The following DGKG variants were observed in gnomAD, a reference collection of about 807,000 sequenced individuals.
The protein encoded by DGKG is DAG kinase gamma.
DGKG carries 78 observed loss-of-function variants against 105.3 expected under a neutral mutation model. That is an observed-to-expected ratio of 0.74 (90% confidence interval 0.62 to 0.89). The LOEUF (loss-of-function observed/expected upper bound fraction) is 0.89, where lower values mean the gene tolerates loss of function less well. Among genes scored for constraint, DGKG ranks in the 40% least tolerant of loss-of-function variants. The probability of loss-of-function intolerance (pLI) is 0.00; values close to 1 mark genes in which losing one functional copy is unlikely to be tolerated. For synonymous variants in DGKG, 346 were observed against 367.1 expected, an observed-to-expected ratio of 0.94 and a Z score of 0.66; for missense variants, 958 against 1,020.1, an observed-to-expected ratio of 0.94 and a Z score of 0.83.
At chr3:186,259,101 CGACGGGACTCT>C in intron 16 of DGKG, among the ~76,000 whole-genome samples, 1 of 103,018 alleles carries the variant, frequency 9.7e-6, no homozygotes, top group East Asian at 2.4e-4. Context: ...CTCTGCTCTC[CGACGGGACTCT>C]CCGACGGGAA....
Position 186,297,440 on chromosome 3 carries a change from C to T in DGKG, c.354G>A (p.Glu118=). The part of the protein sequence containing the change: ...QNADNATKAD[E]ACAPDTESNM... ...ACTTACCAGTATCAGGGGCACAGGC[C>T]TCGTCTGCTTTGGTGGCATTATCTG... The change falls in exon 5 of 25, where the codon GAG becomes GAA. Residue 118 remains glutamate, a synonymous_variant. Coordinates refer to ENST00000265022, the MANE Select transcript of DGKG (RefSeq NM_001346.3). 1 of 1,612,858 alleles carries T rather than the reference C, an allele frequency of 6.2e-7. No homozygotes were observed.
intron 24 of DGKG, chr3:186,158,934 T>A: frequency 1.7e-6 from 1 of 603,280 alleles, no homozygotes; most frequent in Non-Finnish European, 2.1e-6. Context: ...TTAGCATAAT[T>A]AACATTACTA....
chr3:186,238,924 A>T (rs565169098), intron 20 of DGKG, among the ~76,000 whole-genome samples: 29 of 152,194 alleles, frequency 1.9e-4, no homozygotes, highest in Non-Finnish European at 3.7e-4. Flanking sequence ...TCATAATTTG[A>T]TGCCTCTTAG....
chr3:186,202,906 C>A (rs1356408421), intron 21 of DGKG, among the ~76,000 whole-genome samples: 1 of 152,000 alleles, frequency 6.6e-6, no homozygotes, highest in African/African-American at 2.4e-5. Flanking sequence ...ACGGAAGACA[C>A]AAAGTAGATA....
Position 186,251,865 on chromosome 3 carries a change from A to C in DGKG, c.1655T>G (p.Leu552Trp). 1 of 1,611,666 alleles carries C rather than the reference A, an allele frequency of 6.2e-7. No individual in the cohort carries two copies. Among genetic ancestry groups the C allele is most frequent in the Non-Finnish European group, 8.5e-7 (1 of 1,178,570 alleles). The change falls in exon 19 of 25, where the codon TTG (leucine) becomes TGG (tryptophan). Residue 552 changes from leucine (L) to tryptophan (W), a missense_variant. Transcript: ENST00000265022. ...KILKDIEQSP[L>W]VMLDRWHLEV... ...CAGATGCCAGCGGTCCAGCATCACC[A>C]AGGGGCTCTGCTCAATGTCTTTCAG...
intron 20 of DGKG, among the ~76,000 whole-genome samples, chr3:186,239,375 C>T (rs1560109438): frequency 6.6e-6 from 1 of 152,198 alleles, no homozygotes; most frequent in African/African-American, 2.4e-5. Context: ...TTTGATAATG[C>T]CGTTTACATT....
chr3:186,328,314 A>C (rs1725442744), intron 1 of DGKG, among the ~76,000 whole-genome samples: 1 of 152,202 alleles, frequency 6.6e-6, no homozygotes. Context: ...ACACCCAAAC[A>C]GCTATTAATA....
At chr3:186,269,654 A>G (rs1314732622) in intron 11 of DGKG, among the ~76,000 whole-genome samples, 1 of 152,212 alleles carries the variant, frequency 6.6e-6, no homozygotes, top group Non-Finnish European at 1.5e-5. Flanking sequence ...TATGTTTTAA[A>G]GCACTCTGGG....
intron 20 of DGKG, among the ~76,000 whole-genome samples, chr3:186,241,768 A>C (rs1011774889): frequency 6.6e-6 from 1 of 152,236 alleles, no homozygotes; most frequent in Non-Finnish European, 1.5e-5. Flanking sequence ...ATGAGAAGAT[A>C]CAGACAAAGA....
intron 20 of DGKG, among the ~76,000 whole-genome samples, chr3:186,223,438 G>T (rs1719698116): frequency 6.6e-6 from 1 of 152,054 alleles, no homozygotes; most frequent in Non-Finnish European, 1.5e-5. Flanking sequence ...ACCATCGGCT[G>T]GTTAGAGGCA....
In DGKG at chr3:186,231,901, C is replaced by CAG. The variant is rs1037001947; in HGVS notation, c.1826+10601_1826+10602dup. Among the ~76,000 whole-genome samples the CAG allele has an allele frequency of 1.3e-5, 2 of 152,026 alleles. No homozygotes were observed. Among genetic ancestry groups the CAG allele is most frequent in the Admixed American group, 6.6e-5 (1 of 15,256 alleles). On this transcript the variant is annotated intron_variant, in intron 20 of 24. Transcript: ENST00000265022. The surrounding 1 kb of genome is among the most constrained non-coding windows in gnomAD (Gnocchi z 4.5). The stretch of plus-strand genomic sequence containing the variant: ...GAGCCACTGACTCCAGCCTGGGTGA[C>CAG]AGAGAGAGAGACTCCGTCTCAAAAA...
At chr3:186,328,670 G>A (rs1479547950) in intron 1 of DGKG, among the ~76,000 whole-genome samples, 1 of 151,654 alleles carries the variant, frequency 6.6e-6, no homozygotes, top group Admixed American at 6.6e-5. Context: ...CCACCTCCTG[G>A]GTTCAAGTGA....
At chr3:186,285,224 T>C (rs1197848821) in intron 6 of DGKG, among the ~76,000 whole-genome samples, 1 of 152,200 alleles carries the variant, frequency 6.6e-6, no homozygotes, top group African/African-American at 2.4e-5. Context: ...TTATGAAGAT[T>C]AATGTGTAAC....
chr3:186,240,807 G>GAA (rs11311286), intron 20 of DGKG, among the ~76,000 whole-genome samples: 3 of 138,858 alleles, frequency 2.2e-5, no homozygotes, highest in African/African-American at 8.2e-5. Flanking sequence ...GAAACTCCAT[G>GAA]AAAAAAAAAA....
rs946614421 is a variant in DGKG, at chr3:186,160,444, C to T, written c.2277+1159G>A. 4 of 985,202 alleles carry T rather than the reference C, an allele frequency of 4.1e-6. No homozygotes were observed. The African/African-American group carries it at 7.0e-5, about 17-fold the overall frequency. 61.0% of individuals were successfully genotyped at this position (985,202 alleles called of 1,614,324 possible). ...TTCCCTCTATGCGTCCTAACTCCAG[C>T]AAGGTGGAAAGCTATTATTTGATAT... On this transcript the variant is annotated intron_variant, in intron 24 of 24. Transcript: ENST00000265022.
At chr3:186,275,848 T>C (rs982526267) in intron 9 of DGKG, among the ~76,000 whole-genome samples, 184 bp from the exon 10 acceptor site, 5 of 152,190 alleles carry the variant, frequency 3.3e-5, no homozygotes, top group Non-Finnish European at 5.9e-5. Flanking sequence ...TTAGCAAATA[T>C]TAAAAGCAAG....
intron 1 of DGKG, among the ~76,000 whole-genome samples, chr3:186,348,451 CTTTTTTTTTT>C (rs1159516433): frequency 2.0e-5 from 1 of 50,702 alleles, no homozygotes; most frequent in African/African-American, 7.2e-5. Context: ...GGCTCATAAT[CTTTTTTTTTT>C]TTTTTTTTTT....
At chr3:186,187,410 G>A (rs1240083113) in intron 22 of DGKG, among the ~76,000 whole-genome samples, 3 of 152,222 alleles carry the variant, frequency 2.0e-5, no homozygotes, top group Non-Finnish European at 2.9e-5. Flanking sequence ...GATGCCAAGC[G>A]TTTTGGCTCT....
intron 1 of DGKG, among the ~76,000 whole-genome samples, chr3:186,324,573 C>G (rs1045286614): frequency 2.7e-5 from 4 of 148,318 alleles, no homozygotes; most frequent in African/African-American, 9.9e-5. Flanking sequence ...GGCACAAACA[C>G]ACTCTTCTCA....
Sources: allele counts gnomAD v4.1 joint callset (sites outside exome capture counted in the v4.1 genomes callset), GRCh38; gene constraint gnomAD v4.1.1; non-coding constraint Gnocchi (gnomAD v3.1); transcripts MANE v1.5; gene names NCBI Gene and HGNC (gene_info 2026-07-23, HGNC 2026-07-21).